Variants in PPP4R3B observed in about 807,000 individuals in gnomAD.
The protein encoded by PPP4R3B is serine/threonine-protein phosphatase 4 regulatory subunit 3B.
PPP4R3B carries 52 observed loss-of-function variants against 95.4 expected under a neutral mutation model. The observed-to-expected ratio is 0.54, with a 90% CI of 0.44 to 0.69. The LOEUF (loss-of-function observed/expected upper bound fraction) is 0.69. Ranked by LOEUF, PPP4R3B falls within the 30% of genes least tolerant of loss-of-function variation. The pLI is 0.00. For synonymous variants in PPP4R3B, 407 were observed against 343.9 expected, an observed-to-expected ratio of 1.18 and a Z score of -2.03; for missense variants, 1,003 against 1,005.9, an observed-to-expected ratio of 1.00 and a Z score of 0.04.
At position 55,617,401 on chromosome 2, in the gene PPP4R3B, A is replaced by G; in HGVS notation, c.-116T>C. 1 of 1,240,208 alleles carries G rather than the reference A, an allele frequency of 8.1e-7. No homozygotes were observed. The highest frequency in any genetic ancestry group is 1.1e-6 in the Non-Finnish European group (1 of 940,884). 76.8% of individuals were successfully genotyped at this position (1,240,208 alleles called of 1,614,324 possible). On this transcript the variant is annotated 5_prime_UTR_variant, in exon 1 of 17. Transcript: ENST00000616407. ...GCGGTGGCGGCGGCGGCGGCTTCGGAGAGGCCCGAATTCACCATGGCTCCA... is the reference window on the plus strand; with the variant it reads ...GCGGTGGCGGCGGCGGCGGCTTCGGGGAGGCCCGAATTCACCATGGCTCCA...
At chr2:55,581,416 A>G in intron 8 of PPP4R3B, 151 bp downstream of exon 8, 1 of 826,384 alleles carries the variant, frequency 1.2e-6, no homozygotes, top group Non-Finnish European at 1.8e-6. Flanking sequence ...ACAATTTTGT[A>G]TTTTACCACA....
chr2:55,559,302 C>T (rs886209811), intron 15 of PPP4R3B, among the ~76,000 whole-genome samples: 1 of 151,992 alleles, frequency 6.6e-6, no homozygotes, highest in African/African-American at 2.4e-5. Context: ...GCCGAGATCG[C>T]ACCACTGCAC....
intron 12 of PPP4R3B, 114 bp from the exon 13 acceptor site, chr2:55,568,477 C>T: frequency 2.4e-6 from 2 of 826,288 alleles, no homozygotes; most frequent in South Asian, 6.8e-5. Flanking sequence ...AAAAGTAAAA[C>T]TGTGTATAAA....
Position 55,581,700 on chromosome 2 carries a change from T to C in PPP4R3B, c.1234-2A>G. On this transcript the variant is annotated splice_acceptor_variant, in intron 7 of 16. Coordinates refer to ENST00000616407, the MANE Select transcript of PPP4R3B (RefSeq NM_001122964.3). LOFTEE classifies it high-confidence loss of function. Reference sequence around the variant, plus strand: ...TACCACATTAATAAGAAGAATATCCTGGTGGCAAAACAAAACAAAACAAAA... The same window carrying C: ...TACCACATTAATAAGAAGAATATCCCGGTGGCAAAACAAAACAAAACAAAA... 6.2e-7 allele frequency: 1 copy of C among 1,610,826 alleles called. No homozygotes were observed. The highest frequency in any genetic ancestry group is 8.5e-7 in the Non-Finnish European group (1 of 1,179,082).
intron 15 of PPP4R3B, among the ~76,000 whole-genome samples, chr2:55,563,253 G>A (rs1224084832): frequency 6.6e-6 from 1 of 152,132 alleles, no homozygotes. Flanking sequence ...ACGAACAATA[G>A]TTTCAAAGAA....
intron 4 of PPP4R3B, among the ~76,000 whole-genome samples, chr2:55,595,149 G>T (rs911422204): frequency 6.6e-6 from 1 of 151,380 alleles, no homozygotes; most frequent in South Asian, 2.1e-4. Flanking sequence ...TCAGCTTCCT[G>T]AGTAGCTGGG....
At chr2:55,586,996 C>G (rs1690230756) in intron 5 of PPP4R3B, among the ~76,000 whole-genome samples, 1 of 152,194 alleles carries the variant, frequency 6.6e-6, no homozygotes, top group Admixed American at 6.5e-5. Flanking sequence ...AAAGACACAT[C>G]ATAAGCTGCT....
At chr2:55,556,845 T>C (rs528618719) in intron 16 of PPP4R3B, among the ~76,000 whole-genome samples, 55 of 152,256 alleles carry the variant, frequency 3.6e-4, no homozygotes, top group Non-Finnish European at 4.1e-4. Context: ...GCAGGACTGC[T>C]TGAGACCAGC....
intron 12 of PPP4R3B, among the ~76,000 whole-genome samples, chr2:55,569,381 A>G (rs528843191): frequency 5.3e-4 from 80 of 152,256 alleles, no homozygotes; most frequent in African/African-American, 1.8e-3. Flanking sequence ...AGGGCCTGAC[A>G]TTAGTCAGGC....
chr2:55,599,387 G>C (rs1272510815), intron 3 of PPP4R3B, among the ~76,000 whole-genome samples: 2 of 152,114 alleles, frequency 1.3e-5, no homozygotes, highest in African/African-American at 4.8e-5. Context: ...GCAGTGAGCT[G>C]AGATCGCACC....
At chr2:55,564,833 A>G in intron 14 of PPP4R3B, 69 bp downstream of exon 14, 1 of 1,558,398 alleles carries the variant, frequency 6.4e-7, no homozygotes, top group Non-Finnish European at 8.7e-7. Flanking sequence ...TTTCACATGG[A>G]AAATCTGAAC....
At chr2:55,617,071 C>T in intron 1 of PPP4R3B, 73 bp downstream of exon 1, 9 of 1,498,950 alleles carry the variant, frequency 6.0e-6, no homozygotes, top group Non-Finnish European at 7.2e-6. Flanking sequence ...CGGTAACGGG[C>T]CCAGGGCCCT....
intron 2 of PPP4R3B, among the ~76,000 whole-genome samples, chr2:55,610,388 C>T (rs554223046): frequency 6.6e-6 from 1 of 152,186 alleles, no homozygotes; most frequent in African/African-American, 2.4e-5. Context: ...CCCTTCTGAA[C>T]CTGTGTATTA....
chr2:55,571,621 T>TTTTG (rs146846704), intron 12 of PPP4R3B, among the ~76,000 whole-genome samples: 1 of 151,980 alleles, frequency 6.6e-6, no homozygotes, highest in Non-Finnish European at 1.5e-5. Flanking sequence ...AACACAGGTT[T>TTTTG]TTTGTTTGTT....
chr2:55,599,603 G>T (rs1319459998), intron 3 of PPP4R3B, among the ~76,000 whole-genome samples: 1 of 152,132 alleles, frequency 6.6e-6, no homozygotes, highest in Non-Finnish European at 1.5e-5. Flanking sequence ...GAAATTTTAG[G>T]ATTGTATTAC....
At chr2:55,586,204 G>A (rs1690121376) in intron 6 of PPP4R3B, among the ~76,000 whole-genome samples, 2 of 152,000 alleles carry the variant, frequency 1.3e-5, no homozygotes, top group Non-Finnish European at 2.9e-5. Flanking sequence ...TTAAAAATTT[G>A]TTTTAATTTT....
At chr2:55,561,787 G>C (rs1451324026) in intron 15 of PPP4R3B, among the ~76,000 whole-genome samples, 1 of 152,258 alleles carries the variant, frequency 6.6e-6, no homozygotes, top group Non-Finnish European at 1.5e-5. Context: ...TACCCCCGTT[G>C]TATCTTGGAG....
rs1403716603 is a variant in PPP4R3B at position 55,581,658 on chromosome 2, C to A, written c.1274G>T (p.Cys425Phe). 2 of 1,613,406 alleles carry A rather than the reference C, an allele frequency of 1.2e-6. No homozygotes were observed. The highest frequency in any genetic ancestry group is 1.7e-6 in the Non-Finnish European group (2 of 1,179,778). The change falls in exon 8 of 17, where the codon TGT (cysteine) becomes TTT (phenylalanine). Residue 425 changes from cysteine (C) to phenylalanine (F), a missense_variant. Physicochemically the swap from Cys to Phe is radical, Grantham distance 205. Coordinates refer to ENST00000616407, the MANE Select transcript of PPP4R3B (RefSeq NM_001122964.3). The part of the protein sequence containing the change: ...LINVVIEQMI[C>F]DTDPELGGAV... ...GCCTCCTAGCTCAGGATCAGTATCACAGATCATTTGTTCAATTACCACATT... is the reference window on the plus strand; with the variant it reads ...GCCTCCTAGCTCAGGATCAGTATCAAAGATCATTTGTTCAATTACCACATT...
intron 15 of PPP4R3B, 92 bp downstream of exon 15, chr2:55,564,221 T>C (rs1686990699): frequency 8.4e-7 from 1 of 1,186,990 alleles, no homozygotes; most frequent in Non-Finnish European, 1.1e-6. Context: ...CTTTCTTGCT[T>C]TGTAAACTAT....
Sources: gnomAD v4.1 joint callset for allele counts (sites outside exome capture counted in the v4.1 genomes callset) on GRCh38, gnomAD v4.1.1 for gene constraint, MANE v1.5 for transcripts, NCBI Gene and HGNC (gene_info 2026-07-23, HGNC 2026-07-21) for gene names.